PLA2G7: variants seen among roughly 807,000 people sequenced by gnomAD.
The protein encoded by PLA2G7 is platelet-activating factor acetylhydrolase.
A neutral mutation model predicts 49.6 loss-of-function variants in PLA2G7; 63 were observed. That is an observed-to-expected ratio of 1.27 (90% CI 1.04 to 1.57). PLA2G7 has a LOEUF of 1.57. Ranked by LOEUF, PLA2G7 falls within the 40% of genes most tolerant of loss-of-function variation. The probability of loss-of-function intolerance (pLI) is 0.00; values close to 1 mark genes in which losing one functional copy is unlikely to be tolerated. For missense variants in PLA2G7, 596 were observed against 521.2 expected, an observed-to-expected ratio of 1.14 and a Z score of -1.40; for synonymous variants, 193 against 169.9, an observed-to-expected ratio of 1.14 and a Z score of -1.06.
chr6:46,710,592 G>C lies in PLA2G7; in HGVS notation c.730C>G (p.Pro244Ala), dbSNP rs750222716. The change falls in exon 8 of 12, where the codon CCA (proline) becomes GCA (alanine). Residue 244 changes from proline to alanine, a missense_variant. Pro to Ala is a conservative substitution (Grantham distance 27). Coordinates refer to ENST00000274793, the MANE Select transcript of PLA2G7 (RefSeq NM_005084.4). ...TTTAAATCTAATGCATTCTTCACTGGCTTTCCATGATCAATGTCAAGAATC... is the reference window on the plus strand; with the variant it reads ...TTTAAATCTAATGCATTCTTCACTGCCTTTCCATGATCAATGTCAAGAATC... ...SLILDIDHGK[P>A]VKNALDLKFD... The C allele has an allele frequency of 1.2e-6, 2 of 1,613,192 alleles. No homozygotes were observed. The highest frequency in any genetic ancestry group is 2.2e-5 in the East Asian group (1 of 44,860).
chr6:46,734,822 AAAAG>A (rs1220469524), intron 1 of PLA2G7, among the ~76,000 whole-genome samples: 2 of 151,740 alleles, frequency 1.3e-5, no homozygotes, highest in South Asian at 2.1e-4. Context: ...ACTCCGCCTC[AAAAG>A]AAAGAAAGAA....
chr6:46,723,832 G>A (rs1024920725), intron 1 of PLA2G7, among the ~76,000 whole-genome samples: 2 of 152,120 alleles, frequency 1.3e-5, no homozygotes, highest in Non-Finnish European at 1.5e-5. Context: ...GGTGTTATAT[G>A]TTACGGGGGA....
At chr6:46,710,736 A>G (rs1764988195) in intron 7 of PLA2G7, 78 bp from the exon 8 acceptor site, 4 of 1,143,952 alleles carry the variant, frequency 3.5e-6, no homozygotes, top group African/African-American at 1.5e-5. Context: ...TAGAAGCTGT[A>G]TTTGGGAAAA....
chr6:46,726,651 C>CT (rs1026712680), intron 1 of PLA2G7, among the ~76,000 whole-genome samples: 125 of 147,050 alleles, frequency 8.5e-4, no homozygotes, highest in African/African-American at 2.5e-3. Context: ...AAAACACAAA[C>CT]TTTTTTTTTT....
chr6:46,724,485 C>A (rs966880991), intron 1 of PLA2G7, among the ~76,000 whole-genome samples: 1 of 152,188 alleles, frequency 6.6e-6, no homozygotes, highest in African/African-American at 2.4e-5. Context: ...AGCTATTTTG[C>A]GGGAAGATGT....
intron 5 of PLA2G7, among the ~76,000 whole-genome samples, chr6:46,713,818 G>T (rs567417457): frequency 4.9e-4 from 75 of 152,278 alleles, no homozygotes; most frequent in Non-Finnish European, 9.4e-4. Flanking sequence ...CATCACCATG[G>T]TCAAGTGGAA....
In PLA2G7 at chr6:46,710,559, T is replaced by C. The variant is rs1408372483; in HGVS notation, c.763A>G (p.Met255Val). 3 of 1,594,508 alleles carry C rather than the reference T, an allele frequency of 1.9e-6. No homozygotes were observed. The Admixed American group carries it at 5.0e-5, about 27-fold the overall frequency. The change falls in exon 8 of 12, where the codon ATG (methionine) becomes GTG (valine). Residue 255 changes from methionine (M) to valine (V), a missense_variant. Transcript: ENST00000274793. ...VKNALDLKFD[M>V]EQLKDSIDRE... ...TTATAGCTTACCTTCAGTTGTTCCATATCAAACTTTAAATCTAATGCATTC... is the reference window on the plus strand; with the variant it reads ...TTATAGCTTACCTTCAGTTGTTCCACATCAAACTTTAAATCTAATGCATTC...
At chr6:46,718,179 A>G (rs938761452) in intron 2 of PLA2G7, among the ~76,000 whole-genome samples, 3 of 152,200 alleles carry the variant, frequency 2.0e-5, no homozygotes, top group African/African-American at 7.2e-5. Flanking sequence ...ACCCCTTCAA[A>G]TGCATCCTTT....
At chr6:46,734,637 A>G (rs975065750) in intron 1 of PLA2G7, among the ~76,000 whole-genome samples, 1 of 151,998 alleles carries the variant, frequency 6.6e-6, no homozygotes, top group Non-Finnish European at 1.5e-5. Context: ...TGTGGCGAAC[A>G]CAGCGAAACC....
chr6:46,715,773 G>A (rs918140067), intron 4 of PLA2G7, among the ~76,000 whole-genome samples: 13 of 152,174 alleles, frequency 8.5e-5, no homozygotes, highest in Admixed American at 2.0e-4. Context: ...TTTGTAGATC[G>A]TTTTGAGGGG....
intron 1 of PLA2G7, among the ~76,000 whole-genome samples, chr6:46,728,468 C>A (rs1357067056): frequency 6.6e-6 from 1 of 152,160 alleles, no homozygotes; most frequent in East Asian, 1.9e-4. Context: ...CAACTCTATC[C>A]TTGTTTAATA....
chr6:46,729,649 T>G (rs549693761), intron 1 of PLA2G7, among the ~76,000 whole-genome samples: 89 of 152,244 alleles, frequency 5.8e-4, no homozygotes, highest in African/African-American at 1.5e-3. Context: ...ACCCGGACCC[T>G]AAAGTAGGAA....
chr6:46,709,432 CATGAT>C lies in PLA2G7; in HGVS notation c.778-19_778-15del, dbSNP rs1764937290. ...ATCAATAGAGTCCTATTTGAAAAAG[CATGAT>C]ATAAATTTATAGCTATTTCGTGGTG... On this transcript the variant is annotated splice_polypyrimidine_tract_variant and intron_variant, in intron 8 of 11. Coordinates refer to ENST00000274793, the MANE Select transcript of PLA2G7 (RefSeq NM_005084.4). 7.1e-7 allele frequency: 1 copy of C among 1,411,256 alleles called. No homozygotes were observed. 87.4% of individuals were successfully genotyped at this position (1,411,256 alleles called of 1,614,324 possible). A position where few individuals can be genotyped will look rare whatever the true frequency, so the allele number is the denominator to read the frequency against.
At chr6:46,716,350 A>C (rs747441548) in intron 4 of PLA2G7, 34 bp downstream of exon 4, 2 of 1,611,358 alleles carry the variant, frequency 1.2e-6, no homozygotes, top group African/African-American at 2.7e-5. Flanking sequence ...CATACATGCA[A>C]GAGCCTACAA....
Position 46,704,642 on chromosome 6 carries a change from T to C in PLA2G7, c.1244A>G (p.Asn415Ser). The change falls in exon 12 of 12, where the codon AAT becomes AGT. Residue 415 changes from asparagine (N) to serine (S), a missense_variant. Coordinates refer to ENST00000274793, the MANE Select transcript of PLA2G7 (RefSeq NM_005084.4). ...GTTAATGTTGGTCCCTGGAATAAGA[T>C]TCTCATCATCTCCTTCAATCAAGCA... is the stretch of plus-strand genomic sequence containing the variant. ...WDCLIEGDDE[N>S]LIPGTNINTT... 4 of 1,578,688 alleles carry C rather than the reference T, an allele frequency of 2.5e-6. No individual in the cohort carries two copies. The highest frequency in any genetic ancestry group is 3.5e-6 in the Non-Finnish European group (4 of 1,147,596).
intron 5 of PLA2G7, 91 bp downstream of exon 5, chr6:46,714,369 A>C (rs1276019753): frequency 1.2e-6 from 1 of 835,154 alleles, no homozygotes; most frequent in Non-Finnish European, 2.1e-6. Context: ...AAGGGCCTGC[A>C]TGACATTCCA....
chr6:46,706,921 C>G (rs1655934839), intron 10 of PLA2G7, among the ~76,000 whole-genome samples: 1 of 152,148 alleles, frequency 6.6e-6, no homozygotes. Context: ...GAATCCTTTT[C>G]TGTTGGAAGA....
chr6:46,710,749 C>A, intron 7 of PLA2G7, 91 bp from the exon 8 acceptor site: 1 of 986,468 alleles, frequency 1.0e-6, no homozygotes, highest in Non-Finnish European at 1.6e-6. Context: ...TGGGAAAAAT[C>A]GTTGGTCAGT....
At chr6:46,704,843 G>C in intron 11 of PLA2G7, 147 bp from the exon 12 acceptor site, 1 of 643,776 alleles carries the variant, frequency 1.6e-6, no homozygotes, top group Non-Finnish European at 2.7e-6. Flanking sequence ...CTGCCTCATG[G>C]CTGCTTTAGC....
Sources: allele counts gnomAD v4.1 joint callset (sites outside exome capture counted in the v4.1 genomes callset), GRCh38; gene constraint gnomAD v4.1.1; transcripts MANE v1.5; gene names NCBI Gene and HGNC (gene_info 2026-07-23, HGNC 2026-07-21).